GPRIN3: variants seen among roughly 807,000 people sequenced by gnomAD.
GPRIN3 encodes GPRIN family member 3.
Under a neutral mutation model 13.7 loss-of-function variants are expected in GPRIN3, and 12 were observed. The observed-to-expected ratio is 0.87, with a 90% CI of 0.56 to 1.42. The LOEUF is 1.42. Ranked by LOEUF, GPRIN3 falls within the 40% of genes most tolerant of loss-of-function variation. The pLI is 0.00. For synonymous variants in GPRIN3, 377 were observed against 372.7 expected, an observed-to-expected ratio of 1.01 and a Z score of -0.13; for missense variants, 1,009 against 958.7, an observed-to-expected ratio of 1.05 and a Z score of -0.69.
chr4:89,285,931 C>T (rs971319911), intron 1 of GPRIN3, among the ~76,000 whole-genome samples: 5 of 152,072 alleles, frequency 3.3e-5, no homozygotes, highest in Non-Finnish European at 2.9e-5. Flanking sequence ...TATACTAGTT[C>T]TTCATTTGGA....
intron 1 of GPRIN3, among the ~76,000 whole-genome samples, chr4:89,294,596 T>G (rs1724678733): frequency 2.0e-5 from 3 of 152,226 alleles, no homozygotes; most frequent in Admixed American, 2.0e-4. Flanking sequence ...TAAGTCCTTA[T>G]TAAACATCAA....
rs149857090 is a variant in GPRIN3, at chr4:89,287,859, G to T, written c.-124+19756C>A. 1.2e-3 allele frequency among the ~76,000 whole-genome samples: 190 copies of T among 152,274 alleles called. 1 individual carries two copies. Among genetic ancestry groups the T allele is most frequent in the African/African-American group, 4.2e-3 (176 of 41,556 alleles). ...AAATCATAATAAATCCTAAAGTTAA[G>T]AAAGACTGATAGGCTGATGCCATGA... is the stretch of plus-strand genomic sequence containing the variant. On this transcript the variant is annotated intron_variant, in intron 1 of 1. Transcript: ENST00000609438.
intron 1 of GPRIN3, among the ~76,000 whole-genome samples, chr4:89,281,059 G>GA (rs1017419855): frequency 6.6e-6 from 1 of 151,896 alleles, no homozygotes; most frequent in African/African-American, 2.4e-5. Flanking sequence ...GAAGGTGAAG[G>GA]GGGGGGATAA....
rs61741091 is a variant in GPRIN3 at position 89,250,042 on chromosome 4, G to A, written c.69C>T (p.Asp23=). The change falls in exon 2 of 2, where the codon GAC becomes GAT. Residue 23 remains aspartate (D), a synonymous_variant. Coordinates refer to ENST00000609438, the MANE Select transcript of GPRIN3 (RefSeq NM_198281.3). The stretch of plus-strand genomic sequence containing the variant: ...AGGCAGCCTGTGGCTCTCCTAGATC[G>A]TCTTCTTTTCCGGAAGCTGCAATCA... The part of the protein sequence containing the change: ...TSLIAASGKE[D]DLGEPQAASP... The A allele has an allele frequency of 4.3e-4, 699 of 1,614,170 alleles. 1 individual carries two copies. The highest frequency in any genetic ancestry group is 4.7e-4 in the Non-Finnish European group (560 of 1,180,000).
rs1447343804 is a variant in GPRIN3 at position 89,237,284 on chromosome 4, T to C, written c.*10496A>G. 2 of 152,202 alleles carry C rather than the reference T, an allele frequency of 1.3e-5. No individual in the cohort carries two copies. The highest frequency in any genetic ancestry group is 2.4e-5 in the African/African-American group (1 of 41,440). The allele number at this position is 152,202 out of a possible 1,614,324, so 9.4% of individuals were successfully genotyped here. On this transcript the variant is annotated 3_prime_UTR_variant, in exon 2 of 2. Coordinates refer to ENST00000609438, the MANE Select transcript of GPRIN3 (RefSeq NM_198281.3). ...ACATTTTAGAACTCTGTCAATTAGC[T>C]CAGTGGTTGTGTAGAATGGTGTTGA... is the stretch of plus-strand genomic sequence containing the variant.
At chr4:89,267,534 C>T (rs572692216) in intron 1 of GPRIN3, among the ~76,000 whole-genome samples, 2 of 152,166 alleles carry the variant, frequency 1.3e-5, no homozygotes, top group African/African-American at 2.4e-5. Flanking sequence ...CATGGAGGCA[C>T]ATGATGCATC....
chr4:89,241,478 C>G lies in GPRIN3; in HGVS notation c.*6302G>C, dbSNP rs1038284897. ...TATTATGCACGACATATTGTTCACACATTAGTACAGCAGAGATACACACAT... is the reference window on the plus strand; with the variant it reads ...TATTATGCACGACATATTGTTCACAGATTAGTACAGCAGAGATACACACAT... On this transcript the variant is annotated 3_prime_UTR_variant, in exon 2 of 2. Coordinates refer to ENST00000609438, the MANE Select transcript of GPRIN3 (RefSeq NM_198281.3). The G allele has an allele frequency of 6.6e-6, 1 of 152,154 alleles. No homozygotes were observed. The highest frequency in any genetic ancestry group is 1.5e-5 in the Non-Finnish European group (1 of 68,022). The allele number at this position is 152,154 out of a possible 1,614,324, so 9.4% of individuals were successfully genotyped here. A position where few individuals can be genotyped will look rare whatever the true frequency, so the allele number is the denominator to read the frequency against.
chr4:89,307,585 A>G (rs2116326), intron 1 of GPRIN3, 30 bp downstream of exon 1: 117,890 of 152,224 alleles, frequency 0.77, 45,924 homozygotes, highest in East Asian at 0.87. Context: ...GCTGGCCGCC[A>G]GGCGGAGGTG....
chr4:89,281,412 G>C (rs183479844), intron 1 of GPRIN3, among the ~76,000 whole-genome samples: 2 of 152,086 alleles, frequency 1.3e-5, no homozygotes, highest in African/African-American at 4.8e-5. Context: ...GTGAGCCACC[G>C]CACCCAGCTG....
At chr4:89,270,095 T>C (rs115229378) in intron 1 of GPRIN3, among the ~76,000 whole-genome samples, 1,989 of 152,112 alleles carry the variant, frequency 0.013, 16 homozygotes, top group Middle Eastern at 0.041. Context: ...ACAGAATACA[T>C]GGTGACATTA....
At chr4:89,254,128 G>GGTGTGGGTGTGTGTGT (rs1723404609) in intron 1 of GPRIN3, among the ~76,000 whole-genome samples, 1 of 147,646 alleles carries the variant, frequency 6.8e-6, no homozygotes, top group African/African-American at 2.5e-5. Flanking sequence ...GTTGCATCTG[G>GGTGTGGGTGTGTGTGT]GTGTGTGTGT....
Position 89,236,792 on chromosome 4 carries a change from A to G in GPRIN3, c.*10988T>C, listed in dbSNP as rs561027530. On this transcript the variant is annotated 3_prime_UTR_variant, in exon 2 of 2. Transcript: ENST00000609438. ...GTGATCATCCAATTTATATGTCTCAAGTATCTGTGCCATTGACAAATTGTA... is the reference window on the plus strand; with the variant it reads ...GTGATCATCCAATTTATATGTCTCAGGTATCTGTGCCATTGACAAATTGTA... The G allele has an allele frequency of 5.9e-5, 9 of 152,300 alleles. No individual in the cohort carries two copies. The highest frequency in any genetic ancestry group is 2.1e-4 in the South Asian group (1 of 4,822). 9.4% of individuals were successfully genotyped at this position (152,300 alleles called of 1,614,324 possible). A position where few individuals can be genotyped will look rare whatever the true frequency, so the allele number is the denominator to read the frequency against.
intron 1 of GPRIN3, among the ~76,000 whole-genome samples, chr4:89,264,406 C>T (rs529307399): frequency 4.5e-4 from 68 of 152,298 alleles, no homozygotes; most frequent in Admixed American, 2.6e-4. Flanking sequence ...GTACAACCTG[C>T]AGAACTGTGA....
intron 1 of GPRIN3, among the ~76,000 whole-genome samples, chr4:89,273,520 C>A (rs1170675544): frequency 2.0e-5 from 3 of 152,144 alleles, no homozygotes; most frequent in African/African-American, 7.2e-5. Context: ...AACCCTGTCT[C>A]TACTAAAAAT....
chr4:89,283,741 AGGGCATTTCAG>A (rs1724323696), intron 1 of GPRIN3, among the ~76,000 whole-genome samples: 1 of 152,200 alleles, frequency 6.6e-6, no homozygotes, highest in Non-Finnish European at 1.5e-5. Context: ...TGGGGAGGAA[AGGGCATTTCAG>A]GTGCATATGG....
At chr4:89,271,068 G>A (rs1020082168) in intron 1 of GPRIN3, among the ~76,000 whole-genome samples, 10 of 152,068 alleles carry the variant, frequency 6.6e-5, no homozygotes, top group Admixed American at 6.6e-4. Flanking sequence ...CACCCCAGAG[G>A]TTAGCAATAT....
At chr4:89,274,273 G>A (rs1724037033) in intron 1 of GPRIN3, among the ~76,000 whole-genome samples, 1 of 152,214 alleles carries the variant, frequency 6.6e-6, no homozygotes, top group Non-Finnish European at 1.5e-5. Flanking sequence ...AACTGTGCTT[G>A]TTGAAATGAA....
intron 1 of GPRIN3, among the ~76,000 whole-genome samples, chr4:89,290,173 G>A (rs1379203641): frequency 6.6e-6 from 1 of 151,828 alleles, no homozygotes; most frequent in African/African-American, 2.4e-5. Context: ...GTTTTGCCAT[G>A]TTGCAGGCTG....
In GPRIN3 at chr4:89,242,972, T is replaced by G. The variant is rs982732134; in HGVS notation, c.*4808A>C. On this transcript the variant is annotated 3_prime_UTR_variant, in exon 2 of 2. Transcript: ENST00000609438. ...GCTGCTATCTACACATATATACAGA[T>G]GCACTGGATTTATTTTGAGAGAGGT... is the stretch of plus-strand genomic sequence containing the variant. 6.6e-6 allele frequency: 1 copy of G among 152,186 alleles called. No individual in the cohort carries two copies. Among genetic ancestry groups the G allele is most frequent in the African/African-American group, 2.4e-5 (1 of 41,446 alleles). 9.4% of individuals were successfully genotyped at this position (152,186 alleles called of 1,614,324 possible).
Sources: gnomAD v4.1 joint callset for allele counts (sites outside exome capture counted in the v4.1 genomes callset) on GRCh38, gnomAD v4.1.1 for gene constraint, MANE v1.5 for transcripts, NCBI Gene and HGNC (gene_info 2026-07-23, HGNC 2026-07-21) for gene names.